SEC16B: variants seen among roughly 807,000 people sequenced by gnomAD.
The protein encoded by SEC16B is SEC16 homolog B, endoplasmic reticulum export factor.
Under a neutral mutation model 141.8 loss-of-function variants are expected in SEC16B, and 115 were observed. The observed-to-expected ratio is 0.81, with a 90% CI of 0.70 to 0.95. SEC16B has a LOEUF of 0.95. Ranked by LOEUF, SEC16B falls within the 40% of genes least tolerant of loss-of-function variation. The pLI, the probability that SEC16B is intolerant of heterozygous loss-of-function variation, is 0.00. For missense variants in SEC16B, 1,291 were observed against 1,312.3 expected (o/e 0.98, Z 0.25); for synonymous variants, 493 against 492.5 (o/e 1.00, Z -0.01).
intron 1 of SEC16B, among the ~76,000 whole-genome samples, chr1:177,968,465 C>G (rs1028867798): frequency 6.6e-6 from 1 of 152,188 alleles, no homozygotes; most frequent in East Asian, 1.9e-4. Flanking sequence ...AATCCTAACT[C>G]TGCCACTTAA....
At chr1:177,961,368 T>C in intron 6 of SEC16B, 1 of 531,364 alleles carries the variant, frequency 1.9e-6, no homozygotes, top group Non-Finnish European at 3.3e-6. Flanking sequence ...AACTTGATAA[T>C]GGATAGGGGC....
rs746603191 is a variant in SEC16B, at chr1:177,933,630, A to G, written c.2578T>C (p.Leu860=). ...QEVISKPQTP[L]AARPRSISES... ...GAAATACTTCGTGGTCTAGCAGCCA[A>G]TGGTGTCTGGAATTAAAGAAATAAC... Residue 860 remains leucine (L), a synonymous_variant, in exon 21 of 26, where the codon TTG becomes CTG. Coordinates refer to ENST00000308284, the MANE Select transcript of SEC16B (RefSeq NM_033127.4). 8 of 1,613,804 alleles carry G rather than the reference A, an allele frequency of 5.0e-6. No individual in the cohort carries two copies. The highest frequency in any genetic ancestry group is 3.3e-5 in the South Asian group (3 of 91,078).
chr1:177,964,861 C>T (rs986102343), intron 4 of SEC16B, among the ~76,000 whole-genome samples, 186 bp downstream of exon 4: 3 of 152,228 alleles, frequency 2.0e-5, no homozygotes, highest in Non-Finnish European at 4.4e-5. Context: ...ATAAGAACCT[C>T]CCTTCCCAGG....
chr1:177,936,616 C>A lies in SEC16B; in HGVS notation c.2504-251G>T, dbSNP rs532470851. Among the ~76,000 whole-genome samples, 4 of 152,314 alleles carry A rather than the reference C, an allele frequency of 2.6e-5. No individual in the cohort carries two copies. In the East Asian group the frequency reaches 7.7e-4, roughly 29 times the overall value. The stretch of plus-strand genomic sequence containing the variant: ...TCTTCAGGAATCTTGGAAATCAGAG[C>A]AACATCAAGCTAGGTCACAGGGATC... On this transcript the variant is annotated intron_variant, in intron 19 of 25. Transcript: ENST00000308284.
intron 12 of SEC16B, among the ~76,000 whole-genome samples, chr1:177,949,172 G>C (rs1651969923): frequency 6.6e-6 from 1 of 152,120 alleles, no homozygotes; most frequent in Admixed American, 6.5e-5. Context: ...GCAGTGAGAA[G>C]AGGATGATAA....
chr1:177,955,452 A>T (rs2101964661), intron 10 of SEC16B, among the ~76,000 whole-genome samples: 1 of 152,290 alleles, frequency 6.6e-6, no homozygotes, highest in Middle Eastern at 3.4e-3. Flanking sequence ...GGTTTAAGTG[A>T]TTCTCATGCC....
chr1:177,977,560 A>G (rs1272840968), intron 1 of SEC16B, among the ~76,000 whole-genome samples: 2 of 152,202 alleles, frequency 1.3e-5, no homozygotes, highest in Non-Finnish European at 2.9e-5. Context: ...AACACAACCC[A>G]GTATTTTAGA....
chr1:177,948,735 T>C, intron 12 of SEC16B: 2 of 1,193,644 alleles, frequency 1.7e-6, no homozygotes, highest in African/African-American at 1.6e-5. Context: ...TCCTGCATCT[T>C]ACTAGCTTAC....
intron 1 of SEC16B, among the ~76,000 whole-genome samples, chr1:177,980,609 GTTCCTTCTC>G (rs2102031100): frequency 6.6e-6 from 1 of 152,210 alleles, no homozygotes; most frequent in African/African-American, 2.4e-5. Context: ...AGGTGAACTT[GTTCCTTCTC>G]TTCTTGGAGT....
At chr1:177,948,327 G>A (rs1651894665) in intron 12 of SEC16B, 4 of 1,297,126 alleles carry the variant, frequency 3.1e-6, no homozygotes, top group African/African-American at 1.5e-5. Context: ...CTTGGCTTAT[G>A]AGTAGAAGAG....
chr1:177,942,124 C>A, intron 15 of SEC16B, 84 bp from the exon 16 acceptor site: 1 of 1,423,834 alleles, frequency 7.0e-7, no homozygotes, highest in South Asian at 1.5e-5. Flanking sequence ...TCTTGGAAGT[C>A]AGCTGTCAGT....
intron 5 of SEC16B, among the ~76,000 whole-genome samples, chr1:177,963,518 G>A (rs1289442072): frequency 3.9e-5 from 6 of 151,910 alleles, no homozygotes; most frequent in African/African-American, 7.3e-5. Flanking sequence ...CAGGAGATTC[G>A]CTTGAACCCA....
intron 6 of SEC16B, 143 bp from the exon 7 acceptor site, chr1:177,961,082 A>G (rs1330633228): frequency 3.6e-6 from 3 of 835,810 alleles, no homozygotes; most frequent in Non-Finnish European, 5.6e-6. Flanking sequence ...TAATTAGAAG[A>G]AGCCCATGTT....
intron 5 of SEC16B, among the ~76,000 whole-genome samples, chr1:177,962,621 C>T (rs1653164189): frequency 6.6e-6 from 1 of 151,938 alleles, no homozygotes; most frequent in South Asian, 2.1e-4. Flanking sequence ...TGGTGCACAA[C>T]TATAGCCCCA....
chr1:177,929,764 G>A lies in SEC16B; in HGVS notation c.*94C>T. On this transcript the variant is annotated 3_prime_UTR_variant, in exon 26 of 26. Transcript: ENST00000308284. Reference sequence around the variant, plus strand: ...ATCGGGCTAGCACAAACCTCTTGAGGGTCCCAATATGGTAGAGAGGGGCTG... The same window carrying A: ...ATCGGGCTAGCACAAACCTCTTGAGAGTCCCAATATGGTAGAGAGGGGCTG... 7.2e-7 allele frequency: 1 copy of A among 1,394,920 alleles called. No homozygotes were observed. Among genetic ancestry groups the A allele is most frequent in the South Asian group, 1.2e-5 (1 of 81,408 alleles). 86.4% of individuals were successfully genotyped at this position (1,394,920 alleles called of 1,614,324 possible).
At position 177,961,677 on chromosome 1, in the gene SEC16B, T is replaced by C. The variant is rs1487362190; in HGVS notation, c.700A>G (p.Ser234Gly). ...ATGTACTGACTGAGCTCATAGCTGC[T>C]GGAGCTGAGACCAGACTCACGCTGC... Reference protein sequence around the residue: ...LQQRESGLSSSSYELSQYIRD... With the variant: ...LQQRESGLSSGSYELSQYIRD... Residue 234 changes from serine to glycine, a missense_variant, in exon 6 of 26, where the codon AGC (serine) becomes GGC (glycine). Physicochemically the swap from Ser to Gly is moderately conservative, Grantham distance 56. Transcript: ENST00000308284. 1 of 1,613,876 alleles carries C rather than the reference T, an allele frequency of 6.2e-7. No individual in the cohort carries two copies. Among genetic ancestry groups the C allele is most frequent in the Admixed American group, 1.7e-5 (1 of 60,006 alleles).
chr1:177,940,892 T>G (rs367945686), intron 16 of SEC16B, among the ~76,000 whole-genome samples, 178 bp from the exon 17 acceptor site: 2 of 152,162 alleles, frequency 1.3e-5, no homozygotes, highest in East Asian at 3.9e-4. Context: ...TCAGCAGATA[T>G]CCTCCCAAAA....
chr1:177,930,719 A>G (rs1650354437), intron 24 of SEC16B, 76 bp from the exon 25 acceptor site: 1 of 995,400 alleles, frequency 1.0e-6, no homozygotes, highest in African/African-American at 1.6e-5. Context: ...TTCAAGAAGC[A>G]TATCAGGATT....
In SEC16B at chr1:177,929,644, T is replaced by TAATTTCCA; in HGVS notation, c.*206_*213dup. 1 of 575,002 alleles carries TAATTTCCA rather than the reference T, an allele frequency of 1.7e-6. No homozygotes were observed. The highest frequency in any genetic ancestry group is 3.1e-6 in the Non-Finnish European group (1 of 319,752). The allele number at this position is 575,002 out of a possible 1,614,324, so 35.6% of individuals were successfully genotyped here. A position where few individuals can be genotyped will look rare whatever the true frequency, so the allele number is the denominator to read the frequency against. On this transcript the variant is annotated 3_prime_UTR_variant, in exon 26 of 26. Coordinates refer to ENST00000308284, the MANE Select transcript of SEC16B (RefSeq NM_033127.4). The stretch of plus-strand genomic sequence containing the variant: ...GACCCAGACTTTCCACCTGATGAAA[T>TAATTTCCA]AATTTCCATCATTGTGAAGCTAATC...
Sources: gnomAD v4.1 joint callset for allele counts (sites outside exome capture counted in the v4.1 genomes callset) on GRCh38, gnomAD v4.1.1 for gene constraint, MANE v1.5 for transcripts, NCBI Gene and HGNC (gene_info 2026-07-23, HGNC 2026-07-21) for gene names.